The following APOH variants were observed in gnomAD, a reference collection of about 807,000 sequenced individuals.
APOH encodes apolipoprotein H, also known as beta-2-glycoprotein 1.
Under a neutral mutation model 39.8 loss-of-function variants are expected in APOH, and 48 were observed. The observed-to-expected ratio is 1.21, with a 90% confidence interval of 0.96 to 1.54. APOH has a LOEUF of 1.54. APOH is among the 40% of genes most tolerant of loss of function. APOH has a pLI of 0.00. For missense variants in APOH, 415 were observed against 421.2 expected, an observed-to-expected ratio of 0.99 and a Z score of 0.13; for synonymous variants, 153 against 151.1, an observed-to-expected ratio of 1.01 and a Z score of -0.09.
At chr17:66,226,891 A>ATTTTTTTT (rs1314489486) in intron 2 of APOH, among the ~76,000 whole-genome samples, 1 of 96,644 alleles carries the variant, frequency 1.0e-5, no homozygotes, top group African/African-American at 5.6e-5. Flanking sequence ...TTATTTATTT[A>ATTTTTTTT]TTTATTTTTT....
chr17:66,226,894 T>A (rs1039487999), intron 2 of APOH, among the ~76,000 whole-genome samples: 21 of 92,870 alleles, frequency 2.3e-4, no homozygotes, highest in Non-Finnish European at 4.3e-4. Context: ...TTTATTTATT[T>A]ATTTTTTTTT....
At chr17:66,225,192 T>C (rs1258708717) in intron 3 of APOH, among the ~76,000 whole-genome samples, 2 of 152,316 alleles carry the variant, frequency 1.3e-5, no homozygotes, top group Non-Finnish European at 1.5e-5. Flanking sequence ...CTCTCACATG[T>C]AGTATTCCTT....
chr17:66,226,137 G>A lies in APOH; in HGVS notation c.242-13C>T. 1 of 1,571,160 alleles carries A rather than the reference G, an allele frequency of 6.4e-7. No homozygotes were observed. The highest frequency in any genetic ancestry group is 8.6e-7 in the Non-Finnish European group (1 of 1,157,882). ...GGACATACTCTGGCTGTGATACAAAGATAAAAAATGTTACTTTTCTTTGGG... is the reference window on the plus strand; with the variant it reads ...GGACATACTCTGGCTGTGATACAAAAATAAAAAATGTTACTTTTCTTTGGG... On this transcript the variant is annotated splice_polypyrimidine_tract_variant and intron_variant, in intron 2 of 7. Coordinates refer to ENST00000205948, the MANE Select transcript of APOH (RefSeq NM_000042.3).
chr17:66,217,669 G>A (rs1488339953), intron 5 of APOH, among the ~76,000 whole-genome samples: 1 of 152,084 alleles, frequency 6.6e-6, no homozygotes, highest in African/African-American at 2.4e-5. Flanking sequence ...GAATTCATGT[G>A]GCCAGGCACA....
chr17:66,224,657 G>GGAAGA (rs2073425222), intron 3 of APOH, among the ~76,000 whole-genome samples: 1 of 26,692 alleles, frequency 3.7e-5, no homozygotes, highest in Non-Finnish European at 6.5e-5. Flanking sequence ...GGAAGGGAAG[G>GGAAGA]GAAGGGAAGG....
At chr17:66,224,636 G>A (rs1332505836) in intron 3 of APOH, among the ~76,000 whole-genome samples, 1 of 85,690 alleles carries the variant, frequency 1.2e-5, no homozygotes, top group African/African-American at 5.1e-5. Flanking sequence ...AAGAAAGGAA[G>A]AGAAGGGAAG....
intron 4 of APOH, 92 bp downstream of exon 4, chr17:66,223,606 T>C: frequency 1.8e-6 from 2 of 1,083,136 alleles, no homozygotes; most frequent in African/African-American, 1.6e-5. Context: ...CTCATTGAGC[T>C]GTGACTGAAG....
In APOH at chr17:66,218,453, C is replaced by T. The variant is rs193081495; in HGVS notation, c.605-1486G>A. On this transcript the variant is annotated intron_variant, in intron 5 of 7. Coordinates refer to ENST00000205948, the MANE Select transcript of APOH (RefSeq NM_000042.3). ...CCTCCTGAGCAGCTGAGACTACAGG[C>T]GCACGCCACCACACCCAGCTAATTT... Among the ~76,000 whole-genome samples the T allele has an allele frequency of 5.0e-4, 76 of 152,120 alleles. 1 individual carries two copies. Among genetic ancestry groups the T allele is most frequent in the South Asian group, 4.8e-3 (23 of 4,816 alleles).
Position 66,223,399 on chromosome 17 carries a change from C to T in APOH, c.415+299G>A, listed in dbSNP as rs1053436709. Among the ~76,000 whole-genome samples the T allele has an allele frequency of 4.6e-5, 7 of 152,306 alleles. No individual in the cohort carries two copies. The South Asian group carries it at 1.5e-3, about 32-fold the overall frequency. The stretch of plus-strand genomic sequence containing the variant: ...ATACCAATGCCACACATATCCAAGC[C>T]ACTTCCAAAGCACTATGAGAGCATT... On this transcript the variant is annotated intron_variant, in intron 4 of 7. Coordinates refer to ENST00000205948, the MANE Select transcript of APOH (RefSeq NM_000042.3).
At chr17:66,228,240 C>A in intron 1 of APOH, 44 bp from the exon 2 acceptor site, 1 of 1,581,420 alleles carries the variant, frequency 6.3e-7, no homozygotes, top group Non-Finnish European at 8.6e-7. Context: ...TCTCTATTTG[C>A]ATTTTAAAGT....
At position 66,216,891 on chromosome 17, in the gene APOH, C is replaced by T; in HGVS notation, c.681G>A (p.Lys227=). ...NYPAKPTLYY[K]DKATFGCHDG... ...CATGGCAGCCAAATGTGGCTTTATC[C>T]TTGTAATAAAGTGTTGGTTTTGCAG... is the stretch of plus-strand genomic sequence containing the variant. The change falls in exon 6 of 8, where the codon AAG becomes AAA. Residue 227 remains lysine (K), a synonymous_variant. Transcript: ENST00000205948. 1 of 1,613,180 alleles carries T rather than the reference C, an allele frequency of 6.2e-7. No individual in the cohort carries two copies.
At chr17:66,228,978 G>A (rs8178902) in intron 1 of APOH, among the ~76,000 whole-genome samples, 3,137 of 151,686 alleles carry the variant, frequency 0.021, 113 homozygotes, top group African/African-American at 0.07. Context: ...GATTACAGGC[G>A]CCTGCCATCA....
In APOH at chr17:66,223,678, C is replaced by T. The variant is rs757899429; in HGVS notation, c.415+20G>A. On this transcript the variant is annotated intron_variant, in intron 4 of 7. Transcript: ENST00000205948. ...AAAGGTTCTGGGCAAACCAGCTGAT[C>T]ACCTTGCCCACAGACTTACGAGCAC... is the stretch of plus-strand genomic sequence containing the variant. The T allele has an allele frequency of 4.3e-6, 7 of 1,612,066 alleles. No individual in the cohort carries two copies. In the Middle Eastern group the frequency reaches 6.6e-4, roughly 152 times the overall value.
At chr17:66,214,339 G>A (rs1182019426) in intron 7 of APOH, 114 bp downstream of exon 7, 61 of 1,000,928 alleles carry the variant, frequency 6.1e-5, no homozygotes, top group Admixed American at 2.4e-4. Context: ...GATTACAGGC[G>A]TGACCCACCG....
Position 66,217,048 on chromosome 17 carries a change from G to A in APOH, c.605-81C>T, listed in dbSNP as rs2073370134. On this transcript the variant is annotated intron_variant, in intron 5 of 7. Coordinates refer to ENST00000205948, the MANE Select transcript of APOH (RefSeq NM_000042.3). ...ATGAAATAGTTACATCCTTGTCTCT[G>A]TCACACCACTGAATCACTGTGTGTT... 5.1e-6 allele frequency: 6 copies of A among 1,171,656 alleles called. No homozygotes were observed. The South Asian group carries it at 5.6e-5, about 11-fold the overall frequency. The allele number at this position is 1,171,656 out of a possible 1,614,324, so 72.6% of individuals were successfully genotyped here.
intron 2 of APOH, among the ~76,000 whole-genome samples, chr17:66,227,057 TA>T (rs2073444541): frequency 6.6e-6 from 1 of 152,050 alleles, no homozygotes; most frequent in Admixed American, 6.6e-5. Context: ...TAATTTTTTT[TA>T]TTTTTAGTAG....
chr17:66,225,514 A>C (rs2073433979), intron 3 of APOH, among the ~76,000 whole-genome samples: 1 of 152,162 alleles, frequency 6.6e-6, no homozygotes, highest in African/African-American at 2.4e-5. Flanking sequence ...CCTATCCAAG[A>C]TTTGGCCCAG....
At chr17:66,223,510 C>T (rs1288834953) in intron 4 of APOH, among the ~76,000 whole-genome samples, 188 bp downstream of exon 4, 5 of 152,204 alleles carry the variant, frequency 3.3e-5, no homozygotes, top group Non-Finnish European at 5.9e-5. Flanking sequence ...GAGTAAAATG[C>T]TTCCCTTCTG....
chr17:66,218,563 T>A (rs1162627630), intron 5 of APOH, among the ~76,000 whole-genome samples: 1 of 152,072 alleles, frequency 6.6e-6, no homozygotes, highest in Non-Finnish European at 1.5e-5. Context: ...TGCCTCGGCC[T>A]CCCAAAGTGC....
Sources: gnomAD v4.1 joint callset for allele counts (sites outside exome capture counted in the v4.1 genomes callset) on GRCh38, gnomAD v4.1.1 for gene constraint, MANE v1.5 for transcripts, NCBI Gene and HGNC (gene_info 2026-07-23, HGNC 2026-07-21) for gene names.